The following NID1 variants were observed in gnomAD, a reference collection of about 807,000 sequenced individuals.
NID1 encodes the protein nidogen-1.
Under a neutral mutation model 130.6 loss-of-function variants are expected in NID1, and 76 were observed. That is an observed-to-expected ratio of 0.58 (90% CI 0.48 to 0.70). The LOEUF is 0.70. Ranked by LOEUF, NID1 falls within the 30% of genes least tolerant of loss-of-function variation. NID1 has a pLI of 0.00. For missense variants in NID1, 1,517 were observed against 1,664.8 expected (o/e 0.91, Z 1.54); for synonymous variants, 665 against 675.1 (o/e 0.98, Z 0.23).
At chr1:236,011,679 G>A (rs1658428401) in intron 12 of NID1, among the ~76,000 whole-genome samples, 1 of 152,104 alleles carries the variant, frequency 6.6e-6, no homozygotes, top group African/African-American at 2.4e-5. Context: ...ACTCTCCATG[G>A]AGCCTCCTAC....
intron 14 of NID1, among the ~76,000 whole-genome samples, chr1:235,986,633 C>T (rs925836247): frequency 6.6e-6 from 1 of 152,134 alleles, no homozygotes; most frequent in Non-Finnish European, 1.5e-5. Context: ...GTTAATTTTT[C>T]TATTTTTTTG....
chr1:236,015,978 G>A (rs1658584203), intron 10 of NID1, among the ~76,000 whole-genome samples: 1 of 152,116 alleles, frequency 6.6e-6, no homozygotes, highest in African/African-American at 2.4e-5. Flanking sequence ...GTCCCAGGAT[G>A]GATCTCAGTT....
At chr1:236,055,513 G>T (rs1659875593) in intron 1 of NID1, among the ~76,000 whole-genome samples, 1 of 151,988 alleles carries the variant, frequency 6.6e-6, no homozygotes, top group Non-Finnish European at 1.5e-5. Flanking sequence ...CAGGTCTGGT[G>T]CAGTGGCTAA....
intron 13 of NID1, 79 bp from the exon 14 acceptor site, chr1:235,991,137 A>T: frequency 8.2e-7 from 1 of 1,224,780 alleles, no homozygotes. Context: ...ACCCCCACAC[A>T]CATGCACGCA....
intron 16 of NID1, among the ~76,000 whole-genome samples, chr1:235,980,856 C>G (rs1657418578): frequency 6.6e-6 from 1 of 152,188 alleles, no homozygotes; most frequent in Admixed American, 6.5e-5. Flanking sequence ...TTTGGTGATT[C>G]TGTTACTAAC....
At chr1:236,013,299 CAGA>C in intron 11 of NID1, 109 bp downstream of exon 11, 1 of 1,163,282 alleles carries the variant, frequency 8.6e-7, no homozygotes, top group Non-Finnish European at 1.2e-6. Flanking sequence ...GTGGAGATGA[CAGA>C]AGAATTCTTT....
At chr1:236,002,844 G>A (rs535121225) in intron 12 of NID1, among the ~76,000 whole-genome samples, 2 of 152,156 alleles carry the variant, frequency 1.3e-5, no homozygotes, top group Non-Finnish European at 2.9e-5. Flanking sequence ...CATCAAGACC[G>A]GGAGCTTGTC....
intron 10 of NID1, among the ~76,000 whole-genome samples, chr1:236,013,935 G>A (rs1371493554): frequency 6.6e-6 from 1 of 152,176 alleles, no homozygotes; most frequent in Non-Finnish European, 1.5e-5. Flanking sequence ...CCACACTTCT[G>A]ATGGCAACTC....
intron 10 of NID1, among the ~76,000 whole-genome samples, chr1:236,015,457 G>A (rs1572597080): frequency 6.6e-6 from 1 of 152,122 alleles, no homozygotes; most frequent in East Asian, 1.9e-4. Flanking sequence ...GACCAGCCTG[G>A]CCAACATGGT....
intron 4 of NID1, among the ~76,000 whole-genome samples, chr1:236,039,776 T>G (rs1208417292): frequency 2.6e-5 from 4 of 152,198 alleles, no homozygotes; most frequent in Non-Finnish European, 5.9e-5. Context: ...AATTTCTGGC[T>G]TTATAAAGAC....
chr1:235,991,194 G>T, intron 13 of NID1, 136 bp from the exon 14 acceptor site: 1 of 680,508 alleles, frequency 1.5e-6, no homozygotes, highest in Non-Finnish European at 2.3e-6. Context: ...TCACCTTCAT[G>T]GCACCACAAA....
At chr1:236,045,434 A>G (rs1659574212) in intron 3 of NID1, 23 bp downstream of exon 3, 2 of 1,487,908 alleles carry the variant, frequency 1.3e-6, no homozygotes, top group Non-Finnish European at 1.9e-6. Context: ...AGGAGAATCT[A>G]CTGAAGAACA....
In NID1 at chr1:236,045,599, G is replaced by A. The variant is rs748117419; in HGVS notation, c.610C>T (p.His204Tyr). 6.2e-7 allele frequency: 1 copy of A among 1,614,036 alleles called. No individual in the cohort carries two copies. Among genetic ancestry groups the A allele is most frequent in the East Asian group, 2.2e-5 (1 of 44,888 alleles). Residue 204 changes from histidine to tyrosine, a missense_variant, in exon 3 of 20, where the codon CAT becomes TAT. Physicochemically the swap from His to Tyr is moderately conservative, Grantham distance 83. Coordinates refer to ENST00000264187, the MANE Select transcript of NID1 (RefSeq NM_002508.3). ...TTTTCCTTCTTTGAGAATGTCGTAT[G>A]GAACTGCAGACCATCCTCAGGATAA... Reference protein sequence around the residue: ...FLYPEDGLQFHTTFSKKENNQ... With the variant: ...FLYPEDGLQFYTTFSKKENNQ...
chr1:236,020,163 T>G (rs1353092807), intron 9 of NID1, among the ~76,000 whole-genome samples: 1 of 152,164 alleles, frequency 6.6e-6, no homozygotes, highest in Non-Finnish European at 1.5e-5. Flanking sequence ...CCACAGTATC[T>G]GCTAGAAAAT....
intron 10 of NID1, among the ~76,000 whole-genome samples, chr1:236,014,707 C>T (rs1658532252): frequency 6.6e-6 from 1 of 152,134 alleles, no homozygotes; most frequent in South Asian, 2.1e-4. Context: ...CTGTTCTTCC[C>T]TCAAGAGAAG....
chr1:236,026,604 A>G (rs1658937113), intron 7 of NID1, among the ~76,000 whole-genome samples: 1 of 152,172 alleles, frequency 6.6e-6, no homozygotes, highest in African/African-American at 2.4e-5. Flanking sequence ...TGTATGTGCA[A>G]TTTCTGGAAT....
chr1:235,978,128 G>T, intron 19 of NID1, 140 bp from the exon 20 acceptor site: 1 of 959,678 alleles, frequency 1.0e-6, no homozygotes. Context: ...GGAGAATGGG[G>T]ACACTGTGCT....
intron 11 of NID1, 134 bp downstream of exon 11, chr1:236,013,277 C>T (rs370324635): frequency 1.1e-6 from 1 of 952,372 alleles, no homozygotes; most frequent in African/African-American, 1.6e-5. Context: ...TAAAAAGCAA[C>T]ACATTTACTC....
chr1:236,007,862 A>G (rs564290340), intron 12 of NID1, among the ~76,000 whole-genome samples: 1 of 152,310 alleles, frequency 6.6e-6, no homozygotes, highest in Non-Finnish European at 1.5e-5. Flanking sequence ...ATAAATGTTC[A>G]TTGTTTTAAG....
Sources: gnomAD v4.1 joint callset for allele counts (sites outside exome capture counted in the v4.1 genomes callset) on GRCh38, gnomAD v4.1.1 for gene constraint, MANE v1.5 for transcripts, NCBI Gene and HGNC (gene_info 2026-07-23, HGNC 2026-07-21) for gene names.